Variants in SULF1 observed in about 807,000 individuals in gnomAD.
The protein encoded by SULF1 is sulfatase 1.
A neutral mutation model predicts 110.5 loss-of-function variants in SULF1; 46 were observed. The ratio of observed to expected loss-of-function variants is 0.42; its 90% CI spans 0.33 to 0.53. The LOEUF (loss-of-function observed/expected upper bound fraction) is 0.53, where lower values mean the gene tolerates loss of function less well. Ranked by LOEUF, SULF1 falls within the 20% of genes least tolerant of loss-of-function variation. SULF1 has a pLI of 0.12. For synonymous variants in SULF1, 371 were observed against 387.1 expected (o/e 0.96, Z 0.49); for missense variants, 941 against 1,094.2 (o/e 0.86, Z 1.98).
At chr8:69,593,516 A>T (rs1444717248) in intron 8 of SULF1, among the ~76,000 whole-genome samples, 1 of 151,932 alleles carries the variant, frequency 6.6e-6, no homozygotes, top group African/African-American at 2.4e-5. Context: ...TAACTACCTG[A>T]CCCTCTCAGA....
intron 3 of SULF1, among the ~76,000 whole-genome samples, chr8:69,542,045 A>G (rs1813887786): frequency 6.6e-6 from 1 of 152,074 alleles, no homozygotes; most frequent in Admixed American, 6.5e-5. Flanking sequence ...GGAATTATAC[A>G]TTTTCTTTAC....
At chr8:69,526,322 A>G (rs1010059203) in intron 3 of SULF1, among the ~76,000 whole-genome samples, 7 of 152,078 alleles carry the variant, frequency 4.6e-5, no homozygotes, top group Non-Finnish European at 4.4e-5. Context: ...AGAGAATTTA[A>G]ATTTAAATTC....
chr8:69,657,113 A>G (rs1303243952), intron 22 of SULF1, among the ~76,000 whole-genome samples: 1 of 152,134 alleles, frequency 6.6e-6, no homozygotes, highest in Non-Finnish European at 1.5e-5. Context: ...ACTATTTACA[A>G]CCCTCCTGGT....
At position 69,627,231 on chromosome 8, in the gene SULF1, C is replaced by T. The variant is rs1387651808; in HGVS notation, c.1872C>T (p.Asp624=). The T allele has an allele frequency of 6.2e-7, 1 of 1,614,010 alleles. No homozygotes were observed. The change falls in exon 16 of 23, where the codon GAC becomes GAT. Residue 624 remains aspartate, a synonymous_variant. Transcript: ENST00000402687. The part of the protein sequence containing the change: ...VTHKCFILPN[D]SIHCERELYQ... ...GCAGGTGTTTTATTCTTCCCAATGACTCTATCCATTGTGAGAGAGAACTGT... is the reference window on the plus strand; with the variant it reads ...GCAGGTGTTTTATTCTTCCCAATGATTCTATCCATTGTGAGAGAGAACTGT...
chr8:69,547,449 T>C (rs1221588849), intron 3 of SULF1, among the ~76,000 whole-genome samples: 1 of 152,196 alleles, frequency 6.6e-6, no homozygotes, highest in Non-Finnish European at 1.5e-5. Context: ...TAACTAAATA[T>C]GTGTTAGAGG....
At chr8:69,658,229 C>A (rs1812867983) in intron 22 of SULF1, among the ~76,000 whole-genome samples, 1 of 152,114 alleles carries the variant, frequency 6.6e-6, no homozygotes, top group African/African-American at 2.4e-5. Flanking sequence ...GGAGTGAAAC[C>A]CAAATCCCCT....
intron 6 of SULF1, among the ~76,000 whole-genome samples, chr8:69,584,213 A>C (rs962882791): frequency 6.6e-6 from 1 of 152,172 alleles, no homozygotes; most frequent in Non-Finnish European, 1.5e-5. Context: ...CCTGGCTGGG[A>C]AAGTCAGTGA....
intron 3 of SULF1, among the ~76,000 whole-genome samples, chr8:69,542,407 TC>T (rs139991105): frequency 0.05 from 7,554 of 152,112 alleles, 327 homozygotes; most frequent in African/African-American, 0.11. Flanking sequence ...GCAATGTGTG[TC>T]CCCAGTGTGG....
chr8:69,479,875 C>T (rs928127324), intron 1 of SULF1, among the ~76,000 whole-genome samples: 1 of 152,172 alleles, frequency 6.6e-6, no homozygotes, highest in Non-Finnish European at 1.5e-5. Context: ...CATGTGTCCA[C>T]TTTACATTGG....
At chr8:69,528,795 TTTG>T (rs541688520) in intron 3 of SULF1, among the ~76,000 whole-genome samples, 398 of 151,736 alleles carry the variant, frequency 2.6e-3, no homozygotes, top group African/African-American at 9.1e-3. Flanking sequence ...CCACAGTGGG[TTTG>T]TTGTTGTTGT....
At chr8:69,616,254 C>G (rs1179094431) in intron 13 of SULF1, among the ~76,000 whole-genome samples, 1 of 149,782 alleles carries the variant, frequency 6.7e-6, no homozygotes, top group Non-Finnish European at 1.5e-5. Context: ...GAGTCTTGCT[C>G]TGTCACCCAG....
intron 3 of SULF1, among the ~76,000 whole-genome samples, chr8:69,514,611 G>A (rs553426578): frequency 6.6e-6 from 1 of 152,220 alleles, no homozygotes; most frequent in Non-Finnish European, 1.5e-5. Context: ...AAGTGGGGGA[G>A]TGGGAGGAGG....
intron 1 of SULF1, among the ~76,000 whole-genome samples, chr8:69,478,527 T>C (rs1242959162): frequency 6.6e-6 from 1 of 152,162 alleles, no homozygotes; most frequent in Non-Finnish European, 1.5e-5. Context: ...GTGCTCACAC[T>C]GTTTTCTGGG....
At chr8:69,472,922 C>T (rs1480145296) in intron 1 of SULF1, among the ~76,000 whole-genome samples, 1 of 152,098 alleles carries the variant, frequency 6.6e-6, no homozygotes, top group Non-Finnish European at 1.5e-5. Context: ...CAGCAGCCTC[C>T]GTCTTCTGGG....
intron 22 of SULF1, among the ~76,000 whole-genome samples, chr8:69,657,452 A>C (rs1399498184): frequency 6.6e-6 from 1 of 152,198 alleles, no homozygotes; most frequent in Non-Finnish European, 1.5e-5. Context: ...CTCACCAGGA[A>C]TCTTTACAGT....
intron 3 of SULF1, among the ~76,000 whole-genome samples, chr8:69,554,000 T>A (rs13260422): frequency 0.2 from 30,961 of 152,106 alleles, 3,293 homozygotes; most frequent in African/African-American, 0.26. Context: ...GGAAACCAAG[T>A]CAGAAGAGAG....
chr8:69,645,531 G>A (rs971554247), intron 22 of SULF1, among the ~76,000 whole-genome samples: 1 of 152,206 alleles, frequency 6.6e-6, no homozygotes. Flanking sequence ...TAGAATGCAC[G>A]ATGCAAAGTG....
At chr8:69,655,088 G>T (rs1812619403) in intron 22 of SULF1, among the ~76,000 whole-genome samples, 2 of 152,176 alleles carry the variant, frequency 1.3e-5, no homozygotes, top group African/African-American at 4.8e-5. Context: ...CCAGCCTGGG[G>T]TAAGTGTCTA....
At chr8:69,512,520 G>A (rs900855931) in intron 3 of SULF1, among the ~76,000 whole-genome samples, 3 of 152,176 alleles carry the variant, frequency 2.0e-5, no homozygotes, top group South Asian at 4.2e-4. Context: ...TGGGCAAGCC[G>A]CATGTTCTTT....
Sources: gnomAD v4.1 joint callset for allele counts (sites outside exome capture counted in the v4.1 genomes callset) on GRCh38, gnomAD v4.1.1 for gene constraint, MANE v1.5 for transcripts, NCBI Gene and HGNC (gene_info 2026-07-23, HGNC 2026-07-21) for gene names.